Variants in MERTK observed in about 807,000 individuals in gnomAD.
MERTK encodes tyrosine-protein kinase Mer.
MERTK carries 69 observed loss-of-function variants against 99.3 expected under a neutral mutation model. The ratio of observed to expected loss-of-function variants is 0.70; its 90% CI spans 0.57 to 0.85. The LOEUF (loss-of-function observed/expected upper bound fraction) is 0.85, where lower values mean the gene tolerates loss of function less well. Ranked by LOEUF, MERTK falls within the 40% of genes least tolerant of loss-of-function variation. The pLI is 0.00. For missense variants in MERTK, 1,125 were observed against 1,249.4 expected (o/e 0.90, Z 1.50); for synonymous variants, 426 against 467.6 (o/e 0.91, Z 1.15).
At position 111,963,440 on chromosome 2, in the gene MERTK, A is replaced by G. The variant is rs575111175; in HGVS notation, c.758-1751A>G. On this transcript the variant is annotated intron_variant, in intron 4 of 18. Transcript: ENST00000295408. ...CAGGTCTTTCCCTTCCCACGAGGCC[A>G]TATTTCAGACTATCACATGGGGAGA... Among the ~76,000 whole-genome samples the G allele has an allele frequency of 5.3e-5, 8 of 152,306 alleles. No individual in the cohort carries two copies. The East Asian group carries it at 1.4e-3, about 26-fold the overall frequency.
chr2:111,988,072 A>G (rs965542850), intron 8 of MERTK, among the ~76,000 whole-genome samples: 1 of 150,508 alleles, frequency 6.6e-6, no homozygotes, highest in Non-Finnish European at 1.5e-5. Flanking sequence ...TCACTGCAAC[A>G]TCTGCCTCCC....
intron 18 of MERTK, among the ~76,000 whole-genome samples, chr2:112,025,027 T>G (rs2104426927): frequency 6.6e-6 from 1 of 152,308 alleles, no homozygotes; most frequent in South Asian, 2.1e-4. Context: ...TCAGTGACTC[T>G]TCTTCATAGT....
At chr2:111,995,898 G>A (rs1270182683) in intron 9 of MERTK, among the ~76,000 whole-genome samples, 1 of 152,166 alleles carries the variant, frequency 6.6e-6, no homozygotes, top group East Asian at 1.9e-4. Flanking sequence ...AGTGAGCCAA[G>A]ATCACACCAT....
At chr2:112,022,444 C>G (rs1677371995) in intron 18 of MERTK, 50 bp downstream of exon 18, 1 of 1,613,238 alleles carries the variant, frequency 6.2e-7, no homozygotes, top group East Asian at 2.2e-5. Context: ...GGGCAGCCAC[C>G]TGGCTCTGCA....
At chr2:111,982,714 A>G (rs1258489593) in intron 7 of MERTK, 128 bp from the exon 8 acceptor site, 13 of 991,518 alleles carry the variant, frequency 1.3e-5, no homozygotes, top group Non-Finnish European at 1.1e-5. Flanking sequence ...AAAATGTGCT[A>G]TAAGTCTTGG....
chr2:111,921,073 G>A (rs949672086), intron 1 of MERTK, among the ~76,000 whole-genome samples: 2 of 152,156 alleles, frequency 1.3e-5, no homozygotes, highest in African/African-American at 4.8e-5. Flanking sequence ...AGTGGGGTGG[G>A]AGTCCTTAAC....
At chr2:111,945,151 C>T (rs1684942398) in intron 3 of MERTK, 91 bp downstream of exon 3, 1 of 1,027,096 alleles carries the variant, frequency 9.7e-7, no homozygotes, top group East Asian at 2.6e-5. Context: ...TAGAGTTTTG[C>T]CTGCCTATTT....
rs556417937 is a variant in MERTK, at chr2:111,994,327, C to T, written c.1373C>T (p.Thr458Ile). Residue 458 changes from threonine (T) to isoleucine (I), a missense_variant, in exon 9 of 19, where the codon ACA becomes ATA. By Grantham distance (89) the Thr-to-Ile change is moderately conservative. Coordinates refer to ENST00000295408, the MANE Select transcript of MERTK (RefSeq NM_006343.3). ...GTTCAAGTCCACAATGCTACGTGCA[C>T]AGTGAGGATTGCAGCCGTCACCAGA... Reference protein sequence around the residue: ...ISVQVHNATCTVRIAAVTRGG... With the variant: ...ISVQVHNATCIVRIAAVTRGG... 2 of 1,614,152 alleles carry T rather than the reference C, an allele frequency of 1.2e-6. No homozygotes were observed. Among genetic ancestry groups the T allele is most frequent in the South Asian group, 1.1e-5 (1 of 91,080 alleles).
Position 112,028,527 on chromosome 2 carries a change from C to T in MERTK, c.2663C>T (p.Ser888Phe). The T allele has an allele frequency of 6.2e-7, 1 of 1,614,198 alleles. No individual in the cohort carries two copies. The highest frequency in any genetic ancestry group is 8.5e-7 in the Non-Finnish European group (1 of 1,180,046). Residue 888 changes from serine (S) to phenylalanine (F), a missense_variant, in exon 19 of 19, where the codon TCC becomes TTC. Ser to Phe is a radical substitution (Grantham distance 155). Coordinates refer to ENST00000295408, the MANE Select transcript of MERTK (RefSeq NM_006343.3). ...AGCTCTGAGGGCCTGGCCCAGGGCT[C>T]CACCCTTGCTCCACTGGACTTGAAC... ...LESSEGLAQG[S>F]TLAPLDLNID...
rs1302338577 is a variant in MERTK at position 111,963,339 on chromosome 2, G to T, written c.758-1852G>T. On this transcript the variant is annotated intron_variant, in intron 4 of 18. Coordinates refer to ENST00000295408, the MANE Select transcript of MERTK (RefSeq NM_006343.3). ...GCAATGCCTTCCTCTTGTCTCAACT[G>T]CCAAGAGGCGTTCCTTCCTCTTATA... 2.0e-5 allele frequency among the ~76,000 whole-genome samples: 3 copies of T among 152,298 alleles called. No homozygotes were observed. In the East Asian group the frequency reaches 5.8e-4, roughly 29 times the overall value.
At chr2:111,988,438 C>T (rs1398634123) in intron 8 of MERTK, among the ~76,000 whole-genome samples, 1 of 152,134 alleles carries the variant, frequency 6.6e-6, no homozygotes, top group African/African-American at 2.4e-5. Context: ...GTTTGGGGAA[C>T]TAGACAGCCT....
intron 4 of MERTK, among the ~76,000 whole-genome samples, chr2:111,956,825 A>G (rs1302131131): frequency 6.6e-6 from 1 of 151,988 alleles, no homozygotes; most frequent in Admixed American, 6.6e-5. Flanking sequence ...CTTTTTTCAA[A>G]TTTTTTGTAG....
chr2:111,901,081 A>C (rs963758765), intron 1 of MERTK, among the ~76,000 whole-genome samples: 7 of 152,240 alleles, frequency 4.6e-5, no homozygotes, highest in African/African-American at 1.7e-4. Context: ...ATGCACACAC[A>C]GAACTGGAAC....
At chr2:111,907,961 T>C (rs1429054427) in intron 1 of MERTK, among the ~76,000 whole-genome samples, 2 of 152,196 alleles carry the variant, frequency 1.3e-5, no homozygotes, top group Non-Finnish European at 2.9e-5. Flanking sequence ...GCTGTGGCCC[T>C]GCCTTGTGTA....
intron 15 of MERTK, among the ~76,000 whole-genome samples, chr2:112,017,622 G>A (rs117201948): frequency 5.6e-5 from 7 of 126,002 alleles, no homozygotes; most frequent in Non-Finnish European, 1.2e-4. Context: ...GACAGAGCAC[G>A]ACTTCGTCTC....
intron 10 of MERTK, 96 bp from the exon 11 acceptor site, chr2:112,001,105 T>C (rs1676859364): frequency 4.4e-6 from 4 of 910,086 alleles, no homozygotes; most frequent in Admixed American, 1.8e-5. Context: ...GAAGAGCCCA[T>C]TGAAAAGCGG....
At chr2:111,958,093 G>A (rs1426918596) in intron 4 of MERTK, among the ~76,000 whole-genome samples, 2 of 152,186 alleles carry the variant, frequency 1.3e-5, no homozygotes, top group Admixed American at 6.5e-5. Flanking sequence ...TGGGTGAAAA[G>A]GAGAAATTGC....
chr2:111,922,244 A>G (rs1245243114), intron 1 of MERTK, among the ~76,000 whole-genome samples: 1 of 152,142 alleles, frequency 6.6e-6, no homozygotes, highest in Non-Finnish European at 1.5e-5. Flanking sequence ...CCCACCCACT[A>G]TCATGGGACC....
At chr2:111,959,970 A>G (rs1223640747) in intron 4 of MERTK, among the ~76,000 whole-genome samples, 1 of 152,204 alleles carries the variant, frequency 6.6e-6, no homozygotes, top group Admixed American at 6.5e-5. Context: ...ATCATATATC[A>G]TATAGCCTCT....
Sources: gnomAD v4.1 joint callset for allele counts (sites outside exome capture counted in the v4.1 genomes callset) on GRCh38, gnomAD v4.1.1 for gene constraint, MANE v1.5 for transcripts, NCBI Gene and HGNC (gene_info 2026-07-23, HGNC 2026-07-21) for gene names.